ADGRA3: variants seen among roughly 807,000 people sequenced by gnomAD.
The protein encoded by ADGRA3 is adhesion G protein-coupled receptor A3.
In ADGRA3, 56 loss-of-function variants were observed where a neutral mutation model predicts 119.8. The observed-to-expected ratio is 0.47, with a 90% CI of 0.38 to 0.58. The LOEUF is 0.58. Ranked by LOEUF, ADGRA3 falls within the 20% of genes least tolerant of loss-of-function variation. ADGRA3 has a pLI of 0.00. For missense variants in ADGRA3, 1,516 were observed against 1,649.0 expected (o/e 0.92, Z 1.40); for synonymous variants, 607 against 623.8 (o/e 0.97, Z 0.40).
At chr4:22,490,575 C>A (rs1380731140) in intron 1 of ADGRA3, among the ~76,000 whole-genome samples, 1 of 151,980 alleles carries the variant, frequency 6.6e-6, no homozygotes, top group East Asian at 1.9e-4. Context: ...AAAAACAGAC[C>A]TCAAAGACTA....
In ADGRA3 at chr4:22,421,036, C is replaced by A. The variant is rs780809068; in HGVS notation, c.1659G>T (p.Thr553=). 1 of 1,613,966 alleles carries A rather than the reference C, an allele frequency of 6.2e-7. No homozygotes were observed. The highest frequency in any genetic ancestry group is 2.2e-5 in the East Asian group (1 of 44,876). Reference sequence around the variant, plus strand: ...TCTGGAACACGGTACAGGTCATCCCCGTGAAGCCAGTAGACTTGATGACAT... The same window carrying A: ...TCTGGAACACGGTACAGGTCATCCCAGTGAAGCCAGTAGACTTGATGACAT... ...EAYVIKSTGF[T]GMTCTVFQKV... Residue 553 remains threonine, a synonymous_variant, in exon 12 of 19, where the codon ACG becomes ACT. Coordinates refer to ENST00000334304, the MANE Select transcript of ADGRA3 (RefSeq NM_145290.4).
intron 3 of ADGRA3, among the ~76,000 whole-genome samples, chr4:22,455,311 T>C (rs1183874704): frequency 6.6e-6 from 1 of 152,218 alleles, no homozygotes; most frequent in African/African-American, 2.4e-5. Flanking sequence ...GTTGGAGAAC[T>C]GAGCCCAAAC....
chr4:22,468,196 G>A (rs776720234), intron 2 of ADGRA3, among the ~76,000 whole-genome samples: 10 of 152,108 alleles, frequency 6.6e-5, no homozygotes, highest in South Asian at 2.1e-4. Flanking sequence ...CTTTCTTCTC[G>A]TACCTCTCCT....
At chr4:22,420,611 A>G (rs549420559) in intron 12 of ADGRA3, 1 of 516,224 alleles carries the variant, frequency 1.9e-6, no homozygotes, top group South Asian at 3.3e-5. Context: ...ACATGTAACA[A>G]TAGTATATTT....
chr4:22,492,326 T>C (rs550023552), intron 1 of ADGRA3, among the ~76,000 whole-genome samples: 4 of 152,286 alleles, frequency 2.6e-5, no homozygotes, highest in South Asian at 2.1e-4. Context: ...CCAGGCCTGG[T>C]TGGAACTTTT....
chr4:22,453,595 A>G (rs985232685), intron 4 of ADGRA3, among the ~76,000 whole-genome samples: 1 of 152,236 alleles, frequency 6.6e-6, no homozygotes, highest in African/African-American at 2.4e-5. Context: ...CTACAGGGAG[A>G]AAGAACCACA....
chr4:22,476,371 A>G (rs546826050), intron 1 of ADGRA3, among the ~76,000 whole-genome samples: 1 of 152,318 alleles, frequency 6.6e-6, no homozygotes, highest in African/African-American at 2.4e-5. Context: ...TAAAACAGAC[A>G]AAAATCGGAA....
intron 4 of ADGRA3, among the ~76,000 whole-genome samples, chr4:22,453,084 C>T (rs1717108275): frequency 6.6e-6 from 1 of 151,514 alleles, no homozygotes; most frequent in African/African-American, 2.4e-5. Flanking sequence ...CACCTGTAAT[C>T]CCAGCTACTC....
intron 10 of ADGRA3, among the ~76,000 whole-genome samples, chr4:22,426,701 A>T (rs1466665320): frequency 1.3e-5 from 2 of 152,192 alleles, no homozygotes; most frequent in Admixed American, 6.5e-5. Flanking sequence ...TTTAATCCAA[A>T]CACCCTATTT....
chr4:22,503,761 G>A (rs1314410894), intron 1 of ADGRA3, among the ~76,000 whole-genome samples: 1 of 152,104 alleles, frequency 6.6e-6, no homozygotes, highest in Non-Finnish European at 1.5e-5. Context: ...TTTACCGATC[G>A]CATTTACTAA....
At chr4:22,425,684 T>C (rs182903453) in intron 10 of ADGRA3, among the ~76,000 whole-genome samples, 20 of 152,298 alleles carry the variant, frequency 1.3e-4, no homozygotes, top group African/African-American at 3.6e-4. Context: ...GAGATGTCTT[T>C]TGATCATCCC....
intron 11 of ADGRA3, among the ~76,000 whole-genome samples, chr4:22,423,083 C>A (rs147758125): frequency 3.9e-5 from 6 of 151,972 alleles, no homozygotes; most frequent in African/African-American, 1.5e-4. Context: ...ATAATCCCAG[C>A]TACTTAGGAG....
chr4:22,473,380 A>G (rs1717925474), intron 2 of ADGRA3: 1 of 160,790 alleles, frequency 6.2e-6, no homozygotes, highest in African/African-American at 2.4e-5. Flanking sequence ...TTAAACTAGC[A>G]TACTTAAAGT....
intron 1 of ADGRA3, among the ~76,000 whole-genome samples, chr4:22,507,217 G>T (rs1719272721): frequency 6.6e-6 from 1 of 152,052 alleles, no homozygotes. Context: ...TCCAGCCTGG[G>T]CAACAGAGCA....
chr4:22,459,449 C>G (rs1358510805), intron 3 of ADGRA3, among the ~76,000 whole-genome samples: 1 of 151,566 alleles, frequency 6.6e-6, no homozygotes, highest in African/African-American at 2.4e-5. Flanking sequence ...CAAACCTGCA[C>G]TTGTACCCCT....
At chr4:22,407,706 T>C (rs1409240774) in intron 14 of ADGRA3, among the ~76,000 whole-genome samples, 1 of 152,184 alleles carries the variant, frequency 6.6e-6, no homozygotes, top group Non-Finnish European at 1.5e-5. Flanking sequence ...CAAATGTGTG[T>C]TAAAAAATCA....
At chr4:22,467,360 A>C (rs1182949372) in intron 2 of ADGRA3, among the ~76,000 whole-genome samples, 1 of 152,146 alleles carries the variant, frequency 6.6e-6, no homozygotes, top group Non-Finnish European at 1.5e-5. Flanking sequence ...CAACTCCCCA[A>C]CTGACCCTCA....
intron 2 of ADGRA3, 88 bp from the exon 3 acceptor site, chr4:22,461,896 CA>C: frequency 3.9e-6 from 3 of 774,354 alleles, no homozygotes; most frequent in Non-Finnish European, 6.2e-6. Context: ...ACAAAAAAAA[CA>C]AAAGTATAAT....
At chr4:22,444,870 T>C in intron 6 of ADGRA3, 103 bp downstream of exon 6, 1 of 1,120,466 alleles carries the variant, frequency 8.9e-7, no homozygotes, top group South Asian at 1.4e-5. Context: ...GGCTGCATAC[T>C]AGTTCTGTCC....
Sources: allele counts gnomAD v4.1 joint callset (sites outside exome capture counted in the v4.1 genomes callset), GRCh38; gene constraint gnomAD v4.1.1; transcripts MANE v1.5; gene names NCBI Gene and HGNC (gene_info 2026-07-23, HGNC 2026-07-21).